The following KLHL4 variants were observed in gnomAD, a reference collection of about 807,000 sequenced individuals.
The protein encoded by KLHL4 is kelch like family member 4, also known as kelch-like protein 4.
A neutral mutation model predicts 45.8 loss-of-function variants in KLHL4; 17 were observed. The observed-to-expected ratio is 0.37, with a 90% confidence interval of 0.25 to 0.56. KLHL4 has a LOEUF of 0.56. KLHL4 is among the 20% of genes least tolerant of loss of function. The pLI is 0.79. For missense variants in KLHL4, 544 were observed against 544.9 expected (o/e 1.00, Z 0.02); for synonymous variants, 224 against 189.9 (o/e 1.18, Z -1.47).
intron 1 of KLHL4, among the ~76,000 whole-genome samples, chrX:87,607,191 A>T (rs1229839962): frequency 9.0e-6 from 1 of 111,107 alleles, no homozygotes; most frequent in Non-Finnish European, 1.9e-5. Flanking sequence ...ATCTGTGTAG[A>T]TGAAACTTAG....
chrX:87,552,596 G>T (rs1316786159), intron 1 of KLHL4, among the ~76,000 whole-genome samples: 2 of 110,815 alleles, frequency 1.8e-5, no homozygotes, highest in African/African-American at 6.5e-5. Context: ...AAAGATACTT[G>T]CACATGCATG....
chrX:87,564,229 C>T (rs1043851081), intron 1 of KLHL4, among the ~76,000 whole-genome samples: 1 of 100,873 alleles, frequency 9.9e-6, no homozygotes, highest in African/African-American at 3.6e-5. Context: ...ATAATAACTG[C>T]AACAACATTT....
At chrX:87,610,364 T>A (rs1212255433) in intron 1 of KLHL4, among the ~76,000 whole-genome samples, 4 of 111,975 alleles carry the variant, frequency 3.6e-5, no homozygotes, top group Non-Finnish European at 7.5e-5. Flanking sequence ...GATGTTTAAA[T>A]GCAAAGTTCT....
At chrX:87,550,158 A>G (rs748729432) in intron 1 of KLHL4, among the ~76,000 whole-genome samples, 1 of 111,340 alleles carries the variant, frequency 9.0e-6, no homozygotes. Context: ...AATAAAGAAG[A>G]AATGGTCAAA....
At chrX:87,609,327 A>G (rs1922297083) in intron 1 of KLHL4, among the ~76,000 whole-genome samples, 1 of 112,114 alleles carries the variant, frequency 8.9e-6, no homozygotes, top group African/African-American at 3.2e-5. Context: ...TCCTTGAGGA[A>G]TCACCACACT....
intron 1 of KLHL4, among the ~76,000 whole-genome samples, chrX:87,535,568 A>G (rs371672476): frequency 9.0e-6 from 1 of 111,632 alleles, no homozygotes; most frequent in South Asian, 3.7e-4. Context: ...TATACTCTGT[A>G]AATTATCTAT....
chrX:87,558,410 C>CATT (rs76089122), intron 1 of KLHL4, among the ~76,000 whole-genome samples: 27,072 of 109,992 alleles, frequency 0.25, 2,932 homozygotes, highest in East Asian at 0.51. Context: ...TAAATATTAA[C>CATT]ATTATTTCAT....
intron 1 of KLHL4, among the ~76,000 whole-genome samples, chrX:87,568,390 T>C (rs1056097950): frequency 2.3e-4 from 13 of 56,157 alleles, no homozygotes; most frequent in Non-Finnish European, 2.9e-4. Context: ...TTTCTTTTTT[T>C]CTTTTTTTTT....
rs150514055 is a variant in KLHL4, at chrX:87,624,744, C to T, written c.1138-866C>T. On this transcript the variant is annotated intron_variant, in intron 5 of 10. Transcript: ENST00000373119. Reference sequence around the variant, plus strand: ...ATTCATCTCATGAAAAATACTTTGCCTCACTTTTATCAGTGTTAAATAAGG... The same window carrying T: ...ATTCATCTCATGAAAAATACTTTGCTTCACTTTTATCAGTGTTAAATAAGG... Among the ~76,000 whole-genome samples, 171 of 111,936 alleles carry T rather than the reference C, an allele frequency of 1.5e-3. 8 individuals carry two copies. The East Asian group carries it at 0.03, about 19-fold the overall frequency.
At chrX:87,548,141 C>A (rs1468809842) in intron 1 of KLHL4, among the ~76,000 whole-genome samples, 1 of 111,666 alleles carries the variant, frequency 9.0e-6, no homozygotes, top group Non-Finnish European at 1.9e-5. Flanking sequence ...TACAATGGAG[C>A]TCTGATATGT....
intron 1 of KLHL4, among the ~76,000 whole-genome samples, chrX:87,557,325 T>G (rs1326181034): frequency 8.9e-6 from 1 of 111,871 alleles, no homozygotes; most frequent in East Asian, 2.8e-4. Context: ...TGTCTTTTGA[T>G]TTTCCTTATT....
In KLHL4 at chrX:87,618,041, C is replaced by A; in HGVS notation, c.837C>A (p.Leu279=). 8.3e-7 allele frequency: 1 copy of A among 1,210,687 alleles called. No individual in the cohort carries two copies. Among genetic ancestry groups the A allele is most frequent in the East Asian group, 3.0e-5 (1 of 33,811 alleles). The change falls in exon 4 of 11, where the codon CTC becomes CTA. Residue 279 remains leucine (L), a synonymous_variant. Transcript: ENST00000373119. ...GCTCCAATTTTCTCATAAAGCAGCT[C>A]CATCCTTCAAACTGCTTAGGGATTC... is the stretch of plus-strand genomic sequence containing the variant. ...DVCSNFLIKQ[L]HPSNCLGIRS... is the part of the protein sequence containing the mutation.
At chrX:87,635,468 G>A in intron 8 of KLHL4, 95 bp from the exon 9 acceptor site, 1 of 632,343 alleles carries the variant, frequency 1.6e-6, no homozygotes, top group Non-Finnish European at 2.4e-6. Flanking sequence ...GAAAAGCTTT[G>A]TACAAAGTTC....
chrX:87,540,794 CATT>C (rs1249984423), intron 1 of KLHL4, among the ~76,000 whole-genome samples: 1 of 111,834 alleles, frequency 8.9e-6, no homozygotes, highest in African/African-American at 3.3e-5. Flanking sequence ...CCAGTAACAT[CATT>C]GTTTATTATC....
At chrX:87,608,212 C>A (rs1177644811) in intron 1 of KLHL4, among the ~76,000 whole-genome samples, 2 of 112,239 alleles carry the variant, frequency 1.8e-5, no homozygotes, top group Admixed American at 1.9e-4. Flanking sequence ...ACCACCACTT[C>A]TATAATCTTG....
chrX:87,631,793 C>A, intron 6 of KLHL4, among the ~76,000 whole-genome samples: 1 of 111,936 alleles, frequency 8.9e-6, no homozygotes, highest in Non-Finnish European at 1.9e-5. Flanking sequence ...ACACCCAAAA[C>A]AAATTTAAAA....
In KLHL4 at chrX:87,632,425, C is replaced by T. The variant is rs757888213; in HGVS notation, c.1540C>T (p.His514Tyr). 17 of 1,184,020 alleles carry T rather than the reference C, an allele frequency of 1.4e-5. No individual in the cohort carries two copies. Among genetic ancestry groups the T allele is most frequent in the Admixed American group, 6.6e-5 (3 of 45,479 alleles). Residue 514 changes from histidine (H) to tyrosine (Y), a missense_variant, in exon 7 of 11, where the codon CAC (histidine) becomes TAC (tyrosine). By Grantham distance (83) the His-to-Tyr change is moderately conservative (BLOSUM62 2). Coordinates refer to ENST00000373119, the MANE Select transcript of KLHL4 (RefSeq NM_019117.5). The part of the protein sequence containing the change: ...TVMPPMSTHR[H>Y]GLGVATLEGP... ...GATGCCTCCCATGTCAACACATCGG[C>T]ACGGCTTAGGTAAGAGCTTAACGTA... is the stretch of plus-strand genomic sequence containing the variant.
intron 1 of KLHL4, among the ~76,000 whole-genome samples, chrX:87,549,432 A>T (rs1038070509): frequency 9.0e-6 from 1 of 111,712 alleles, no homozygotes; most frequent in Non-Finnish European, 1.9e-5. Context: ...GATCTAATGC[A>T]TATTTAGAAA....
intron 3 of KLHL4, among the ~76,000 whole-genome samples, chrX:87,617,031 A>G (rs1438416245): frequency 8.9e-6 from 1 of 111,862 alleles, no homozygotes; most frequent in East Asian, 2.8e-4. Context: ...AACATTCTTT[A>G]TAACTTGGCT....
Sources: gnomAD v4.1 joint callset for allele counts (sites outside exome capture counted in the v4.1 genomes callset) on GRCh38, gnomAD v4.1.1 for gene constraint, MANE v1.5 for transcripts, NCBI Gene and HGNC (gene_info 2026-07-23, HGNC 2026-07-21) for gene names.